Variants in RUVBL1 observed in about 807,000 individuals in gnomAD.
RUVBL1 encodes the protein RuvB like AAA ATPase 1, also known as ruvB-like 1.
A neutral mutation model predicts 52.4 loss-of-function variants in RUVBL1; 4 were observed. The observed-to-expected ratio is 0.08, with a 90% CI of 0.04 to 0.17. The LOEUF (loss-of-function observed/expected upper bound fraction) is 0.17, where lower values mean the gene tolerates loss of function less well. Ranked by LOEUF, RUVBL1 falls within the 10% of genes least tolerant of loss-of-function variation. The pLI, the probability that RUVBL1 is intolerant of heterozygous loss-of-function variation, is 1.00. For synonymous variants in RUVBL1, 217 were observed against 214.4 expected (o/e 1.01, Z -0.10); for missense variants, 298 against 572.8 (o/e 0.52, Z 4.90).
At chr3:128,104,396 C>G (rs146325580) in intron 4 of RUVBL1, among the ~76,000 whole-genome samples, 1 of 152,300 alleles carries the variant, frequency 6.6e-6, no homozygotes, top group African/African-American at 2.4e-5. Flanking sequence ...CTGTTTCTTT[C>G]TATGAGCATG....
intron 1 of RUVBL1, among the ~76,000 whole-genome samples, chr3:128,134,348 G>A (rs574062857): frequency 2.8e-4 from 43 of 151,538 alleles, no homozygotes. Flanking sequence ...CTGTAATCCA[G>A]CTACTCAGGA....
At chr3:128,096,431 G>A (rs900657853) in intron 8 of RUVBL1, among the ~76,000 whole-genome samples, 6 of 152,190 alleles carry the variant, frequency 3.9e-5, no homozygotes, top group African/African-American at 1.4e-4. Flanking sequence ...TTGTCTTCCA[G>A]GGGTCAACAT....
chr3:128,109,960 C>T (rs1003552828), intron 3 of RUVBL1, among the ~76,000 whole-genome samples: 9 of 151,848 alleles, frequency 5.9e-5, no homozygotes, highest in Non-Finnish European at 1.0e-4. Flanking sequence ...GGATTACAGG[C>T]GTATGCCACC....
exon 10 of RUVBL1, chr3:128,064,839 G>C (rs749113114): frequency 2.6e-6 from 4 of 1,535,092 alleles, no homozygotes; most frequent in Admixed American, 4.1e-5. Context: ...TGAGTTGCCT[G>C]TTCGTTCCTT....
At chr3:128,074,842 C>CAAAAA (rs386397876) in intron 9 of RUVBL1, among the ~76,000 whole-genome samples, 8,180 of 72,628 alleles carry the variant, frequency 0.11, 561 homozygotes, top group Non-Finnish European at 0.13. Flanking sequence ...AACTCCGTCT[C>CAAAAA]AAAAAAAAAA....
At chr3:128,108,795 T>C (rs1943307255) in intron 3 of RUVBL1, among the ~76,000 whole-genome samples, 1 of 151,978 alleles carries the variant, frequency 6.6e-6, no homozygotes, top group South Asian at 2.1e-4. Context: ...TGGGCACATG[T>C]TTAAAAAAAA....
At position 128,067,716 on chromosome 3, in the gene RUVBL1, A is replaced by C; in HGVS notation, c.940-2496T>G. On this transcript the variant is annotated intron_variant, in intron 9 of 9. Coordinates refer to the RUVBL1 transcript ENST00000464873. The surrounding 1 kb of genome is among the most constrained non-coding windows in gnomAD (Gnocchi z 4.1). ...AAATAATGGTCTGTGACGTGTGCAGATAGATCGTCGTCCTTTAGGGGGCAG... is the reference window on the plus strand; with the variant it reads ...AAATAATGGTCTGTGACGTGTGCAGCTAGATCGTCGTCCTTTAGGGGGCAG... The C allele has an allele frequency of 1.0e-6, 1 of 969,414 alleles. No homozygotes were observed. The highest frequency in any genetic ancestry group is 1.5e-6 in the Non-Finnish European group (1 of 649,674). The allele number at this position is 969,414 out of a possible 1,614,324, so 60.1% of individuals were successfully genotyped here.
rs143445502 is a variant in RUVBL1 at position 128,112,181 on chromosome 3, G to T, written c.361+707C>A. ...CCTAGCTAGCAAAAAGCAAAAATTC[G>T]AAAGAGAAGCCATTTTCTTCTCACA... On this transcript the variant is annotated intron_variant, in intron 3 of 10. Transcript: ENST00000322623. Among the ~76,000 whole-genome samples, 83 of 152,274 alleles carry T rather than the reference G, an allele frequency of 5.5e-4. 3 individuals carry two copies. The East Asian group carries it at 0.015, about 28-fold the overall frequency.
intron 1 of RUVBL1, among the ~76,000 whole-genome samples, chr3:128,142,393 A>G (rs563996170): frequency 3.3e-5 from 5 of 152,330 alleles, no homozygotes; most frequent in African/African-American, 1.2e-4. Context: ...TAAGCCTGGT[A>G]AAGACCTTGC....
intron 1 of RUVBL1, among the ~76,000 whole-genome samples, chr3:128,130,893 GC>G (rs1256925639): frequency 6.6e-6 from 1 of 151,718 alleles, no homozygotes; most frequent in Non-Finnish European, 1.5e-5. Context: ...GTCGTGATCT[GC>G]CCACCTCGGC....
At chr3:128,120,980 C>CAAA (rs397737928) in intron 1 of RUVBL1, among the ~76,000 whole-genome samples, 1 of 134,464 alleles carries the variant, frequency 7.4e-6, no homozygotes, top group African/African-American at 2.7e-5. Context: ...GACTCCCTCT[C>CAAA]AAAAAAAAAA....
intron 1 of RUVBL1, among the ~76,000 whole-genome samples, chr3:128,140,275 C>G (rs1475971677): frequency 1.4e-5 from 1 of 69,148 alleles, no homozygotes; most frequent in Non-Finnish European, 2.8e-5. Context: ...GTTACCCAGG[C>G]TAGAGGGCAG....
exon 1 of RUVBL1, chr3:128,153,536 TG>T: frequency 6.6e-7 from 1 of 1,519,804 alleles, no homozygotes. Flanking sequence ...AACGTGAACG[TG>T]GGCGTGCTGG....
chr3:128,087,841 G>T, intron 8 of RUVBL1, 33 bp from the exon 9 acceptor site: 2 of 1,467,180 alleles, frequency 1.4e-6, no homozygotes, highest in African/African-American at 1.4e-5. Flanking sequence ...CATCACCTAA[G>T]CCTCTGTTAG....
At position 128,123,596 on chromosome 3, in the gene RUVBL1, C is replaced by T; in HGVS notation, c.129G>A (p.Glu43=). ...KQAASGLVGQ[E]NAREACGVIV... is the part of the protein sequence containing the mutation. ...CCACTGGCCACACCTCTCGCGCGTT[C>T]TCCTGGCCCACAAGCCCTGAGGCCG... The change falls in exon 1 of 11, where the codon GAG becomes GAA. Residue 43 remains glutamate, a synonymous_variant. Transcript: ENST00000322623. 6.2e-7 allele frequency: 1 copy of T among 1,608,224 alleles called. No individual in the cohort carries two copies. The highest frequency in any genetic ancestry group is 1.7e-5 in the Admixed American group (1 of 59,886).
chr3:128,127,079 G>C (rs1437154059), upstream of RUVBL1, among the ~76,000 whole-genome samples: 1 of 152,164 alleles, frequency 6.6e-6, no homozygotes, highest in Non-Finnish European at 1.5e-5. Flanking sequence ...TGTAGGTAAT[G>C]GATCTGCAGG....
At chr3:128,153,688 C>G (rs746022054) in exon 1 of RUVBL1, 2 of 1,592,282 alleles carry the variant, frequency 1.3e-6, no homozygotes, top group Admixed American at 3.4e-5. Flanking sequence ...GGTGCCGCTG[C>G]CCGCGCGCCT....
rs183987167 is a variant in RUVBL1, at chr3:128,147,101, T to C, written c.-40+6102A>G. ...TTATAATTATTATTGAGACAAGGTT[T>C]TGCTCTGTTGCCCGGGCTGGGGTGC... On this transcript the variant is annotated intron_variant, in intron 1 of 9. Coordinates refer to the RUVBL1 transcript ENST00000464873. Among the ~76,000 whole-genome samples, 447 of 152,354 alleles carry C rather than the reference T, an allele frequency of 2.9e-3. 3 individuals carry two copies. The highest frequency in any genetic ancestry group is 0.017 in the South Asian group (83 of 4,828).
chr3:128,153,208 A>G, exon 1 of RUVBL1: 1 of 1,305,826 alleles, frequency 7.7e-7, no homozygotes, highest in African/African-American at 1.6e-5. Context: ...CTCACCCAGA[A>G]AGTCCAAATG....
Sources: allele counts gnomAD v4.1 joint callset (sites outside exome capture counted in the v4.1 genomes callset), GRCh38; gene constraint gnomAD v4.1.1; non-coding constraint Gnocchi (gnomAD v3.1); transcripts MANE v1.5; gene names NCBI Gene and HGNC (gene_info 2026-07-23, HGNC 2026-07-21).